Variants in GALNTL6 observed in about 807,000 individuals in gnomAD.
GALNTL6 encodes the protein polypeptide N-acetylgalactosaminyltransferase-like 6.
A neutral mutation model predicts 73.7 loss-of-function variants in GALNTL6; 46 were observed. The ratio of observed to expected loss-of-function variants is 0.62; its 90% CI spans 0.49 to 0.80. GALNTL6 has a LOEUF of 0.80. Among genes scored for constraint, GALNTL6 ranks in the 30% least tolerant of loss-of-function variants. The pLI, the probability that GALNTL6 is intolerant of heterozygous loss-of-function variation, is 0.00. For missense variants in GALNTL6, 604 were observed against 755.0 expected (o/e 0.80, Z 2.34); for synonymous variants, 259 against 263.7 (o/e 0.98, Z 0.17).
chr4:173,036,268 T>TC (rs1753692748), intron 12 of GALNTL6, among the ~76,000 whole-genome samples: 1 of 152,212 alleles, frequency 6.6e-6, no homozygotes, highest in Non-Finnish European at 1.5e-5. Flanking sequence ...TATCTTTGCA[T>TC]CTTTAGCATT....
rs1408050199 is a variant in GALNTL6, at chr4:172,590,103, T to C, written c.554-219258T>C. On this transcript the variant is annotated intron_variant, in intron 5 of 12. Coordinates refer to ENST00000506823, the MANE Select transcript of GALNTL6 (RefSeq NM_001034845.3). The stretch of plus-strand genomic sequence containing the variant: ...ATTCAAAACCTGCCTCAACTCCTGC[T>C]GCTTATTCTCCTTCACCTCAAGTCA... 2.6e-5 allele frequency among the ~76,000 whole-genome samples: 4 copies of C among 152,340 alleles called. No individual in the cohort carries two copies. The East Asian group carries it at 5.8e-4, about 22-fold the overall frequency.
At chr4:172,991,577 GT>G (rs200535247) in intron 10 of GALNTL6, among the ~76,000 whole-genome samples, 6 of 146,038 alleles carry the variant, frequency 4.1e-5, no homozygotes, top group Non-Finnish European at 6.1e-5. Flanking sequence ...TTTTTGTGTT[GT>G]TTTTTTTTTA....
At chr4:172,047,107 A>C (rs1294802936) in intron 2 of GALNTL6, among the ~76,000 whole-genome samples, 1 of 152,172 alleles carries the variant, frequency 6.6e-6, no homozygotes, top group Non-Finnish European at 1.5e-5. Flanking sequence ...GCTGAAAATG[A>C]ACGTCTGTTT....
chr4:171,853,012 A>ATTTTTTT (rs765984611), intron 2 of GALNTL6, among the ~76,000 whole-genome samples: 19 of 86,832 alleles, frequency 2.2e-4, no homozygotes, highest in Admixed American at 4.7e-4. Flanking sequence ...CGCCCGGCTA[A>ATTTTTTT]TTTTTTTTTT....
rs144964835 is a variant in GALNTL6 at position 172,733,311 on chromosome 4, T to C, written c.554-76050T>C. On this transcript the variant is annotated intron_variant, in intron 5 of 12. Transcript: ENST00000506823. ...TGTTGCCAAACTAATTGTAGCTCCC[T>C]TATATATTACTTGATTATTTCTTGC... Among the ~76,000 whole-genome samples, 108 of 152,298 alleles carry C rather than the reference T, an allele frequency of 7.1e-4. 2 individuals carry two copies. The East Asian group carries it at 0.016, about 23-fold the overall frequency.
chr4:172,739,163 G>T (rs903629102), intron 5 of GALNTL6, among the ~76,000 whole-genome samples: 3 of 152,204 alleles, frequency 2.0e-5, no homozygotes, highest in African/African-American at 7.2e-5. Context: ...AGTCCATTTA[G>T]ATGGTTGGAG....
rs183911411 is a variant in GALNTL6, at chr4:172,036,534, C to T, written c.139-193122C>T. ...TTGAGAGTAATATCTAACAGTTATT[C>T]GATACTCACTGTTCGTACATGCCAG... On this transcript the variant is annotated intron_variant, in intron 2 of 12. Coordinates refer to ENST00000506823, the MANE Select transcript of GALNTL6 (RefSeq NM_001034845.3). 6.2e-3 allele frequency among the ~76,000 whole-genome samples: 944 copies of T among 152,144 alleles called. 7 individuals carry two copies. The highest frequency in any genetic ancestry group is 0.034 in the Middle Eastern group (10 of 294).
At chr4:172,283,185 A>G (rs561239258) in intron 3 of GALNTL6, among the ~76,000 whole-genome samples, 119 of 152,328 alleles carry the variant, frequency 7.8e-4, no homozygotes, top group Non-Finnish European at 1.2e-3. Context: ...CACATGAGTG[A>G]GACAAAGAAT....
rs1458446436 is a variant in GALNTL6, at chr4:172,561,186, G to A, written c.553+212497G>A. Among the ~76,000 whole-genome samples, 5 of 148,044 alleles carry A rather than the reference G, an allele frequency of 3.4e-5. No homozygotes were observed. In the East Asian group the frequency reaches 1.0e-3, roughly 30 times the overall value. On this transcript the variant is annotated intron_variant, in intron 5 of 12. Coordinates refer to ENST00000506823, the MANE Select transcript of GALNTL6 (RefSeq NM_001034845.3). ...GAGAATGGCGTGAACCCGGGAAGCG[G>A]AGCTTGCAGTGAGCCGAGATTGCGC...
chr4:172,403,125 C>T (rs1744098764), intron 5 of GALNTL6, among the ~76,000 whole-genome samples: 1 of 151,916 alleles, frequency 6.6e-6, no homozygotes, highest in Non-Finnish European at 1.5e-5. Flanking sequence ...TGTTCGTTTC[C>T]CAGTGTCTGA....
intron 5 of GALNTL6, among the ~76,000 whole-genome samples, chr4:172,754,223 G>T (rs532239335): frequency 1.8e-4 from 28 of 152,178 alleles, no homozygotes; most frequent in African/African-American, 6.3e-4. Context: ...TTCTATTAAT[G>T]TAAGTAGTAT....
intron 7 of GALNTL6, among the ~76,000 whole-genome samples, chr4:172,838,810 C>G (rs1297751076): frequency 6.6e-6 from 1 of 152,010 alleles, no homozygotes; most frequent in African/African-American, 2.4e-5. Flanking sequence ...TACTTTTTGC[C>G]TAATTATAAT....
chr4:172,410,653 C>G (rs886349845), intron 5 of GALNTL6, among the ~76,000 whole-genome samples: 1 of 152,000 alleles, frequency 6.6e-6, no homozygotes, highest in Admixed American at 6.6e-5. Context: ...CTTGTTTGGT[C>G]TCTTCAAAGA....
At chr4:172,113,219 C>G (rs1206560913) in intron 2 of GALNTL6, among the ~76,000 whole-genome samples, 2 of 151,924 alleles carry the variant, frequency 1.3e-5, no homozygotes, top group Admixed American at 1.3e-4. Flanking sequence ...ACATTCTGAT[C>G]CCATTTTTCT....
chr4:172,717,018 G>A (rs573248002), intron 5 of GALNTL6, among the ~76,000 whole-genome samples: 14 of 152,166 alleles, frequency 9.2e-5, no homozygotes, highest in African/African-American at 3.4e-4. Flanking sequence ...ACAAAATTTT[G>A]TGGATGCCCC....
intron 2 of GALNTL6, among the ~76,000 whole-genome samples, chr4:171,898,715 A>T (rs1276853307): frequency 6.6e-6 from 1 of 152,094 alleles, no homozygotes. Flanking sequence ...TGCAAAATAT[A>T]AAAGGTGTTG....
chr4:171,898,250 C>A (rs1429382476), intron 2 of GALNTL6, among the ~76,000 whole-genome samples: 1 of 151,982 alleles, frequency 6.6e-6, no homozygotes, highest in Non-Finnish European at 1.5e-5. Flanking sequence ...GAAATGTATT[C>A]TCATACATTT....
rs1360212565 is a variant in GALNTL6, at chr4:172,411,242, C to T, written c.553+62553C>T. Among the ~76,000 whole-genome samples the T allele has an allele frequency of 2.0e-5, 3 of 151,960 alleles. No individual in the cohort carries two copies. In the East Asian group the frequency reaches 5.8e-4, roughly 29 times the overall value. On this transcript the variant is annotated intron_variant, in intron 5 of 12. Coordinates refer to ENST00000506823, the MANE Select transcript of GALNTL6 (RefSeq NM_001034845.3). ...AAATTGGTGAAGATTTATATGACCA[C>T]TGTGGAATATGCTCTTGTTATGGAA...
intron 2 of GALNTL6, among the ~76,000 whole-genome samples, chr4:171,919,130 A>C (rs1369222458): frequency 6.6e-6 from 1 of 152,128 alleles, no homozygotes; most frequent in Non-Finnish European, 1.5e-5. Flanking sequence ...TTAAGATGGC[A>C]AATATCATGT....
Sources: gnomAD v4.1 joint callset for allele counts (sites outside exome capture counted in the v4.1 genomes callset) on GRCh38, gnomAD v4.1.1 for gene constraint, MANE v1.5 for transcripts, NCBI Gene and HGNC (gene_info 2026-07-23, HGNC 2026-07-21) for gene names.